The following SLC25A42 variants were observed in gnomAD, a reference collection of about 807,000 sequenced individuals.
The protein encoded by SLC25A42 is mitochondrial coenzyme A transporter SLC25A42.
A neutral mutation model predicts 34.7 loss-of-function variants in SLC25A42; 19 were observed. The observed-to-expected ratio is 0.55, with a 90% CI of 0.38 to 0.80. The LOEUF (loss-of-function observed/expected upper bound fraction) is 0.80. Ranked by LOEUF, SLC25A42 falls within the 30% of genes least tolerant of loss-of-function variation. The probability of loss-of-function intolerance (pLI) is 0.00; values close to 1 mark genes in which losing one functional copy is unlikely to be tolerated. For synonymous variants in SLC25A42, 205 were observed against 191.2 expected (o/e 1.07, Z -0.59); for missense variants, 364 against 441.3 (o/e 0.82, Z 1.57).
intron 1 of SLC25A42, among the ~76,000 whole-genome samples, chr19:19,067,949 T>C (rs1201848232): frequency 6.6e-6 from 1 of 152,140 alleles, no homozygotes; most frequent in African/African-American, 2.4e-5. Flanking sequence ...CAGTTAGACA[T>C]TAAGAGGGGA....
chr19:19,097,431 C>T (rs2012318), intron 2 of SLC25A42, among the ~76,000 whole-genome samples: 117,163 of 152,176 alleles, frequency 0.77, 45,677 homozygotes, highest in East Asian at 0.89. Flanking sequence ...GGCTGTTGCT[C>T]TGCATGCCGG....
intron 1 of SLC25A42, among the ~76,000 whole-genome samples, chr19:19,075,440 C>A (rs185885009): frequency 1.5e-4 from 23 of 152,196 alleles, no homozygotes; most frequent in African/African-American, 5.1e-4. Context: ...TGGGGCTGGC[C>A]CCCCTCTGCC....
In SLC25A42 at chr19:19,081,436, C is replaced by G. The variant is rs187797109; in HGVS notation, c.-34-14655C>G. Among the ~76,000 whole-genome samples the G allele has an allele frequency of 3.9e-4, 59 of 152,280 alleles. No homozygotes were observed. The highest frequency in any genetic ancestry group is 1.2e-3 in the African/African-American group (51 of 41,558). ...AACAGAAGCATGTTTCATGTTTTGT[C>G]CTCATAGCGTCCCTGGCAGTGTCAT... On this transcript the variant is annotated intron_variant, in intron 1 of 7. Coordinates refer to ENST00000318596, the MANE Select transcript of SLC25A42 (RefSeq NM_178526.5). The surrounding 1 kb of genome is among the most constrained non-coding windows in gnomAD (Gnocchi z 4.5).
At chr19:19,068,770 G>A (rs531905083) in intron 1 of SLC25A42, among the ~76,000 whole-genome samples, 1 of 152,058 alleles carries the variant, frequency 6.6e-6, no homozygotes, top group Non-Finnish European at 1.5e-5. Flanking sequence ...CCCTGGAGGC[G>A]GAGGTTGCAG....
intron 1 of SLC25A42, among the ~76,000 whole-genome samples, chr19:19,082,146 A>G (rs750495437): frequency 1.3e-5 from 2 of 152,026 alleles, no homozygotes; most frequent in Non-Finnish European, 2.9e-5. Flanking sequence ...CATAACCACC[A>G]CAAATGTGGA....
In SLC25A42 at chr19:19,109,928, G is replaced by T. The variant is rs1189823052; in HGVS notation, c.650-641G>T. Reference sequence around the variant, plus strand: ...CAGGGGCTCCCCAGGGAGGGCGCAGGTCGGGGACCAGGCACGGGAGCACCT... The same window carrying T: ...CAGGGGCTCCCCAGGGAGGGCGCAGTTCGGGGACCAGGCACGGGAGCACCT... On this transcript the variant is annotated intron_variant, in intron 7 of 7. Coordinates refer to ENST00000318596, the MANE Select transcript of SLC25A42 (RefSeq NM_178526.5). This position sits in a 1 kb window ranked among gnomAD's most constrained non-coding sequence, Gnocchi z 4.1. 6.6e-6 allele frequency among the ~76,000 whole-genome samples: 1 copy of T among 152,200 alleles called. No homozygotes were observed. Among genetic ancestry groups the T allele is most frequent in the Non-Finnish European group, 1.5e-5 (1 of 68,040 alleles).
chr19:19,066,220 G>A (rs1432289232), intron 1 of SLC25A42, among the ~76,000 whole-genome samples: 11 of 152,070 alleles, frequency 7.2e-5, no homozygotes, highest in Admixed American at 7.2e-4. Flanking sequence ...AATCAGTCAG[G>A]TCTTCCCCAG....
At chr19:19,108,305 C>T (rs898424815) in intron 7 of SLC25A42, among the ~76,000 whole-genome samples, 1 of 152,170 alleles carries the variant, frequency 6.6e-6, no homozygotes, top group Non-Finnish European at 1.5e-5. Flanking sequence ...AATCCCAGTG[C>T]TTTGGGAGGC....
intron 2 of SLC25A42, among the ~76,000 whole-genome samples, chr19:19,099,963 C>T (rs182216445): frequency 9.9e-5 from 15 of 151,728 alleles, no homozygotes; most frequent in Middle Eastern, 3.4e-3. Context: ...CCTGACCTCA[C>T]GTGATCTGCC....
At chr19:19,097,783 T>G (rs1261513201) in intron 2 of SLC25A42, among the ~76,000 whole-genome samples, 1 of 151,864 alleles carries the variant, frequency 6.6e-6, no homozygotes, top group Non-Finnish European at 1.5e-5. Flanking sequence ...GCCAACATGG[T>G]GAAACCCCAT....
intron 1 of SLC25A42, among the ~76,000 whole-genome samples, chr19:19,080,218 G>A (rs535458592): frequency 6.6e-6 from 1 of 152,320 alleles, no homozygotes; most frequent in African/African-American, 2.4e-5. Flanking sequence ...CTCATCTGGT[G>A]AAGAGCAGAG....
intron 4 of SLC25A42, 175 bp downstream of exon 4, chr19:19,105,113 G>A (rs2059818961): frequency 1.3e-6 from 1 of 753,468 alleles, no homozygotes; most frequent in South Asian, 1.7e-5. Flanking sequence ...GGGACATCCC[G>A]AGTGTCCTTC....
intron 1 of SLC25A42, among the ~76,000 whole-genome samples, chr19:19,070,914 T>C (rs1443746301): frequency 6.6e-6 from 1 of 151,524 alleles, no homozygotes; most frequent in African/African-American, 2.4e-5. Context: ...CTTTGCTTAC[T>C]CACCTGTCTC....
At chr19:19,086,206 T>C (rs1568513459) in intron 1 of SLC25A42, among the ~76,000 whole-genome samples, 1 of 152,136 alleles carries the variant, frequency 6.6e-6, no homozygotes, top group Non-Finnish European at 1.5e-5. Flanking sequence ...AGTGGCATGA[T>C]CACTGCAACC....
chr19:19,107,291 G>A lies in SLC25A42; in HGVS notation c.498-603G>A, dbSNP rs565813188. On this transcript the variant is annotated intron_variant, in intron 6 of 7. Transcript: ENST00000318596. ...ATGATCACGTCACTGCACTCCAGCC[G>A]GTCCACAGAGTGAGACCCTGTCTCC... 7.2e-5 allele frequency among the ~76,000 whole-genome samples: 10 copies of A among 139,254 alleles called. No homozygotes were observed. In the East Asian group the frequency reaches 1.9e-3, roughly 27 times the overall value. 91.4% of individuals were successfully genotyped at this position (139,254 alleles called of 152,430 possible).
chr19:19,103,090 T>G (rs374052340), intron 3 of SLC25A42, among the ~76,000 whole-genome samples: 9 of 151,946 alleles, frequency 5.9e-5, no homozygotes, highest in East Asian at 1.9e-4. Context: ...ATTTATTTAT[T>G]TTTGTTTGTT....
chr19:19,072,198 T>C (rs1465995900), intron 1 of SLC25A42, among the ~76,000 whole-genome samples: 1 of 152,180 alleles, frequency 6.6e-6, no homozygotes, highest in Admixed American at 6.5e-5. Context: ...CATGTGTCAG[T>C]GTCTCAAAAG....
At chr19:19,102,528 G>A (rs953988902) in intron 3 of SLC25A42, among the ~76,000 whole-genome samples, 8 of 151,964 alleles carry the variant, frequency 5.3e-5, no homozygotes, top group African/African-American at 1.9e-4. Flanking sequence ...CAGATCACTT[G>A]AGGTCAGGAG....
At chr19:19,092,039 G>C in intron 1 of SLC25A42, among the ~76,000 whole-genome samples, 1 of 152,156 alleles carries the variant, frequency 6.6e-6, no homozygotes, top group Non-Finnish European at 1.5e-5. Context: ...GAGGCAGCTG[G>C]AACAGAAGCA....
Sources: allele counts gnomAD v4.1 joint callset (sites outside exome capture counted in the v4.1 genomes callset), GRCh38; gene constraint gnomAD v4.1.1; non-coding constraint Gnocchi (gnomAD v3.1); transcripts MANE v1.5; gene names NCBI Gene and HGNC (gene_info 2026-07-23, HGNC 2026-07-21).